The following FIP1L1 variants were observed in gnomAD, a reference collection of about 807,000 sequenced individuals.
The protein encoded by FIP1L1 is pre-mRNA 3'-end-processing factor FIP1.
Under a neutral mutation model 84.6 loss-of-function variants are expected in FIP1L1, and 21 were observed. The observed-to-expected ratio is 0.25, with a 90% CI of 0.18 to 0.36. The LOEUF is 0.36. Ranked by LOEUF, FIP1L1 falls within the 10% of genes least tolerant of loss-of-function variation. The pLI is 1.00. For missense variants in FIP1L1, 526 were observed against 751.1 expected (o/e 0.70, Z 3.50); for synonymous variants, 263 against 242.3 (o/e 1.09, Z -0.80).
In FIP1L1 at chr4:53,377,941, T is replaced by G. The variant is rs1020998448; in HGVS notation, c.85+18T>G. The G allele has an allele frequency of 2.6e-6, 4 of 1,565,520 alleles. No individual in the cohort carries two copies. In the African/African-American group the frequency reaches 5.5e-5, roughly 21 times the overall value. On this transcript the variant is annotated intron_variant, in intron 1 of 17. Coordinates refer to ENST00000337488, the MANE Select transcript of FIP1L1 (RefSeq NM_030917.4). ...CTATGGCGGTACGAAACTTCCTGTC[T>G]CTGTCTCTCGGGTTCTCTCAGGCCT...
intron 10 of FIP1L1, among the ~76,000 whole-genome samples, chr4:53,407,950 T>G (rs972754218): frequency 3.9e-5 from 6 of 152,238 alleles, no homozygotes; most frequent in African/African-American, 1.4e-4. Context: ...CTTTATCCAA[T>G]TTGCCAGTCT....
At chr4:53,458,521 C>T in intron 16 of FIP1L1, 132 bp from the exon 17 acceptor site, 1 of 733,332 alleles carries the variant, frequency 1.4e-6, no homozygotes, top group African/African-American at 1.8e-5. Flanking sequence ...ATATTTCTTC[C>T]TCACTAATGT....
At chr4:53,380,618 G>T (rs868290827) in intron 3 of FIP1L1, among the ~76,000 whole-genome samples, 3 of 152,266 alleles carry the variant, frequency 2.0e-5, no homozygotes, top group Middle Eastern at 6.8e-3. Flanking sequence ...AGTAGAAATA[G>T]CTTAGGAGGA....
intron 5 of FIP1L1, among the ~76,000 whole-genome samples, chr4:53,386,797 T>C (rs1741326952): frequency 6.6e-6 from 1 of 152,230 alleles, no homozygotes; most frequent in African/African-American, 2.4e-5. Flanking sequence ...GCTTGTCCAA[T>C]GCACCTTATT....
In FIP1L1 at chr4:53,460,761, C is replaced by T; in HGVS notation, c.*1312C>T. 1.2e-6 allele frequency: 1 copy of T among 801,956 alleles called. No homozygotes were observed. The highest frequency in any genetic ancestry group is 1.8e-5 in the African/African-American group (1 of 54,482). The allele number at this position is 801,956 out of a possible 1,614,324, so 49.7% of individuals were successfully genotyped here. ...TGGAATCATATTTTCTGAGGTGTAA[C>T]TGGCTTTCATTAGATGATCATACTT... On this transcript the variant is annotated 3_prime_UTR_variant, in exon 18 of 18. Transcript: ENST00000337488.
intron 16 of FIP1L1, among the ~76,000 whole-genome samples, chr4:53,454,676 A>T (rs1717992794): frequency 6.6e-6 from 1 of 152,184 alleles, no homozygotes; most frequent in African/African-American, 2.4e-5. Flanking sequence ...AAGTCGATTT[A>T]CCATAATTCT....
intron 11 of FIP1L1, among the ~76,000 whole-genome samples, chr4:53,422,867 A>G (rs1049558702): frequency 2.6e-5 from 4 of 152,116 alleles, no homozygotes; most frequent in South Asian, 2.1e-4. Context: ...AGCATGTGCT[A>G]CTATGCCTAG....
intron 3 of FIP1L1, among the ~76,000 whole-genome samples, chr4:53,381,753 C>CTTTTTT (rs531488760): frequency 0.067 from 5,848 of 87,298 alleles, 1,339 homozygotes; most frequent in African/African-American, 0.19. Context: ...CATTTGCATT[C>CTTTTTT]TTTTTTTTTT....
At chr4:53,449,819 G>T (rs1348560988) in intron 15 of FIP1L1, among the ~76,000 whole-genome samples, 1 of 152,014 alleles carries the variant, frequency 6.6e-6, no homozygotes, top group Non-Finnish European at 1.5e-5. Context: ...TTTGAGTTTG[G>T]TAAGTTTTTG....
At chr4:53,433,636 T>G (rs1388931581) in intron 13 of FIP1L1, among the ~76,000 whole-genome samples, 1 of 152,190 alleles carries the variant, frequency 6.6e-6, no homozygotes, top group Non-Finnish European at 1.5e-5. Context: ...TTGGGAACAA[T>G]TGAAATGTAG....
intron 16 of FIP1L1, among the ~76,000 whole-genome samples, chr4:53,454,211 T>C (rs1414443046): frequency 6.6e-6 from 1 of 152,214 alleles, no homozygotes; most frequent in Non-Finnish European, 1.5e-5. Context: ...ATCTTTTGTT[T>C]AGATACACAA....
chr4:53,414,595 T>C lies in FIP1L1; in HGVS notation c.816-20T>C, dbSNP rs367761522. 2.6e-6 allele frequency: 4 copies of C among 1,544,042 alleles called. No homozygotes were observed. The highest frequency in any genetic ancestry group is 3.5e-6 in the Non-Finnish European group (4 of 1,128,644). On this transcript the variant is annotated intron_variant, in intron 10 of 17. Transcript: ENST00000337488. ...AGACAACAATATGTAAGAAAAAACA[T>C]AGAAAATTTATCTCACCAGAAACAG...
chr4:53,387,685 T>C (rs1275755795), intron 5 of FIP1L1, among the ~76,000 whole-genome samples: 1 of 152,202 alleles, frequency 6.6e-6, no homozygotes, highest in Non-Finnish European at 1.5e-5. Context: ...GCGAAGAAGC[T>C]CATTTATTGA....
chr4:53,399,843 A>G lies in FIP1L1; in HGVS notation c.815+4A>G. Reference sequence around the variant, plus strand: ...AGACTGGGCTTCCACCGAGCAGGTTAGTTACATAGTTATAACTCAATTACT... The same window carrying G: ...AGACTGGGCTTCCACCGAGCAGGTTGGTTACATAGTTATAACTCAATTACT... On this transcript the variant is annotated splice_donor_region_variant and intron_variant, in intron 10 of 17. Transcript: ENST00000337488. 2 of 1,564,040 alleles carry G rather than the reference A, an allele frequency of 1.3e-6. No individual in the cohort carries two copies. Among genetic ancestry groups the G allele is most frequent in the Non-Finnish European group, 1.8e-6 (2 of 1,135,278 alleles).
intron 10 of FIP1L1, 52 bp from the exon 11 acceptor site, chr4:53,414,563 G>A (rs1457515988): frequency 8.9e-6 from 11 of 1,236,348 alleles, no homozygotes; most frequent in African/African-American, 1.5e-5. Flanking sequence ...AGAACAAGGG[G>A]GGTCAGAGAC....
chr4:53,383,859 G>A lies in FIP1L1; in HGVS notation c.315G>A (p.Thr105=), dbSNP rs769433651. 9 of 1,612,834 alleles carry A rather than the reference G, an allele frequency of 5.6e-6. 1 individual carries two copies. The highest frequency in any genetic ancestry group is 2.2e-5 in the South Asian group (2 of 90,814). Residue 105 remains threonine, a synonymous_variant, in exon 5 of 18, where the codon ACG becomes ACA. Coordinates refer to ENST00000337488, the MANE Select transcript of FIP1L1 (RefSeq NM_030917.4). Reference sequence around the variant, plus strand: ...ATGTCACTATAGGAGACATTAAAACGGGAGCACCACAGTATGGGTAAGTTA... The same window carrying A: ...ATGTCACTATAGGAGACATTAAAACAGGAGCACCACAGTATGGGTAAGTTA... The part of the protein sequence containing the change: ...DVHVTIGDIK[T]GAPQYGSYGT...
intron 3 of FIP1L1, among the ~76,000 whole-genome samples, chr4:53,380,582 G>A (rs532273294): frequency 1.3e-5 from 2 of 152,318 alleles, no homozygotes; most frequent in East Asian, 3.9e-4. Context: ...ACAAAAAATG[G>A]ATAGAGGGAA....
rs1037675317 is a variant in FIP1L1, at chr4:53,409,934, T to C, written c.816-4681T>C. On this transcript the variant is annotated intron_variant, in intron 10 of 17. Coordinates refer to ENST00000337488, the MANE Select transcript of FIP1L1 (RefSeq NM_030917.4). ...TAGGAAAGGGAACTCCCTGACCCCT[T>C]GCGCTTCCTGAGTGAGGCAATGCCT... Among the ~76,000 whole-genome samples the C allele has an allele frequency of 1.1e-4, 16 of 152,350 alleles. No individual in the cohort carries two copies. In the East Asian group the frequency reaches 2.7e-3, roughly 26 times the overall value.
At chr4:53,381,753 C>CTTTTTTTTTTTTTTTTTTT (rs531488760) in intron 3 of FIP1L1, among the ~76,000 whole-genome samples, 916 of 87,876 alleles carry the variant, frequency 0.01, 165 homozygotes, top group East Asian at 0.016. Context: ...CATTTGCATT[C>CTTTTTTTTTTTTTTTTTTT]TTTTTTTTTT....
Sources: allele counts gnomAD v4.1 joint callset (sites outside exome capture counted in the v4.1 genomes callset), GRCh38; gene constraint gnomAD v4.1.1; transcripts MANE v1.5; gene names NCBI Gene and HGNC (gene_info 2026-07-23, HGNC 2026-07-21).